GPHN: variants seen among roughly 807,000 people sequenced by gnomAD.
GPHN encodes the protein gephyrin.
A neutral mutation model predicts 95.5 loss-of-function variants in GPHN; 17 were observed. The observed-to-expected ratio is 0.18, with a 90% CI of 0.12 to 0.27. The LOEUF (loss-of-function observed/expected upper bound fraction) is 0.27. Ranked by LOEUF, GPHN falls within the 10% of genes least tolerant of loss-of-function variation. GPHN has a pLI of 1.00. For missense variants in GPHN, 660 were observed against 978.1 expected (o/e 0.67, Z 4.34); for synonymous variants, 320 against 322.5 (o/e 0.99, Z 0.08).
chr14:67,471,361 A>G, the GPHN span: 29,555 of 152,206 alleles, frequency 0.19, 2,951 homozygotes, highest in South Asian at 0.24. Context: ...AGGGGCCCAC[A>G]TGGAAGGCCT....
chr14:67,325,979 C>CTTTTTTTTTTTTTTTTT, the GPHN span, among the ~76,000 whole-genome samples: 4 of 110,218 alleles, frequency 3.6e-5, no homozygotes, highest in African/African-American at 1.6e-4. Context: ...CGGCTCTTTT[C>CTTTTTTTTTTTTTTTTT]TTTTTTTTTT....
At chr14:67,295,612 T>C in the GPHN span, among the ~76,000 whole-genome samples, 2 of 151,940 alleles carry the variant, frequency 1.3e-5, no homozygotes, top group Non-Finnish European at 2.9e-5. Context: ...AAAAGATAAC[T>C]AGGCATCATT....
chr14:66,991,501 C>T (rs2071416574), intron 9 of GPHN, among the ~76,000 whole-genome samples: 2 of 152,022 alleles, frequency 1.3e-5, no homozygotes, highest in Middle Eastern at 3.4e-3. Flanking sequence ...TGGCTCATGC[C>T]TGTAACCCAG....
chr14:67,527,054 C>T, the GPHN span, among the ~76,000 whole-genome samples: 5 of 152,212 alleles, frequency 3.3e-5, no homozygotes, highest in South Asian at 2.1e-4. Context: ...ATGTGTTTCA[C>T]TTATTTCCTT....
At position 66,975,521 on chromosome 14, in the gene GPHN, A is replaced by C. The variant is rs143104980; in HGVS notation, c.963+10196A>C. On this transcript the variant is annotated intron_variant, in intron 9 of 22. Coordinates refer to ENST00000478722, the MANE Select transcript of GPHN (RefSeq NM_020806.5). ...GTCGTCTGAAAAGCTAACAAGCTTG[A>C]GTGTGTAAAAATATTATACTGCGAG... Among the ~76,000 whole-genome samples, 90 of 152,304 alleles carry C rather than the reference A, an allele frequency of 5.9e-4. 3 individuals are homozygous for C. Among genetic ancestry groups the C allele is most frequent in the African/African-American group, 2.1e-3 (87 of 41,566 alleles).
chr14:66,642,915 C>T (rs112810690), intron 1 of GPHN, among the ~76,000 whole-genome samples: 83 of 149,102 alleles, frequency 5.6e-4, no homozygotes, highest in African/African-American at 1.7e-3. Context: ...AGAATATCTT[C>T]GTGATCTTGG....
chr14:67,132,238 C>T (rs1029866295), intron 17 of GPHN, among the ~76,000 whole-genome samples: 16 of 152,150 alleles, frequency 1.1e-4, no homozygotes, highest in Non-Finnish European at 1.5e-4. Context: ...TGGGCAAAGC[C>T]GAGTGCCTTA....
At chr14:67,579,094 T>C in the GPHN span, 1 of 1,445,530 alleles carries the variant, frequency 6.9e-7, no homozygotes, top group East Asian at 2.3e-5. Flanking sequence ...GTGGCAGAGA[T>C]GAGCAGAGCC....
chr14:66,634,849 A>G (rs1275614397), intron 1 of GPHN, among the ~76,000 whole-genome samples: 1 of 152,192 alleles, frequency 6.6e-6, no homozygotes, highest in Non-Finnish European at 1.5e-5. Context: ...TTAGATTGGG[A>G]CAAGATCACT....
the GPHN span, among the ~76,000 whole-genome samples, chr14:67,480,225 C>T: frequency 3.3e-5 from 5 of 152,124 alleles, no homozygotes; most frequent in South Asian, 1.0e-3. Flanking sequence ...TCACTGTGCC[C>T]CTGCTCTCGG....
At chr14:66,672,330 G>A (rs1024404400) in intron 1 of GPHN, among the ~76,000 whole-genome samples, 2 of 152,120 alleles carry the variant, frequency 1.3e-5, no homozygotes, top group Non-Finnish European at 2.9e-5. Context: ...AGATGTGAAC[G>A]TGGTCCTTTT....
At chr14:67,044,520 G>A (rs1796449784) in intron 10 of GPHN, among the ~76,000 whole-genome samples, 1 of 152,000 alleles carries the variant, frequency 6.6e-6, no homozygotes, top group African/African-American at 2.4e-5. Flanking sequence ...ATGTTAGCTG[G>A]TGTTTTCTTC....
intron 8 of GPHN, among the ~76,000 whole-genome samples, chr14:66,935,015 G>A (rs1261060229): frequency 6.6e-5 from 10 of 152,154 alleles, no homozygotes; most frequent in Admixed American, 5.2e-4. Flanking sequence ...AGAGGATAGA[G>A]GGTTGGAAAA....
At chr14:67,548,401 A>G in the GPHN span, among the ~76,000 whole-genome samples, 32 of 152,348 alleles carry the variant, frequency 2.1e-4, no homozygotes, top group East Asian at 6.0e-3. Context: ...GAGGGTATTA[A>G]TAAAAGAAGA....
At chr14:67,193,043 G>T in the GPHN span, among the ~76,000 whole-genome samples, 1 of 140,800 alleles carries the variant, frequency 7.1e-6, no homozygotes, top group Non-Finnish European at 1.5e-5. Context: ...TCAATATCTA[G>T]ATATAGATAT....
At chr14:67,447,567 C>T in the GPHN span, 1 of 146,948 alleles carries the variant, frequency 6.8e-6, no homozygotes, top group South Asian at 2.1e-4. Flanking sequence ...ACTAGCTCAG[C>T]ACAGGAGGGA....
At chr14:67,352,998 T>C in the GPHN span, 1 of 1,614,134 alleles carries the variant, frequency 6.2e-7, no homozygotes, top group Non-Finnish European at 8.5e-7. Context: ...GGTTTCGACC[T>C]GTCTGTGCTC....
At chr14:67,199,651 T>C in the GPHN span, 1 of 1,578,536 alleles carries the variant, frequency 6.3e-7, no homozygotes, top group Non-Finnish European at 8.7e-7. Context: ...TTCTGGCAGC[T>C]CAGAACCCGC....
chr14:67,717,185 T>A, the GPHN span, among the ~76,000 whole-genome samples: 7 of 152,194 alleles, frequency 4.6e-5, no homozygotes, highest in South Asian at 1.4e-3. Flanking sequence ...AAGGCACAAG[T>A]CTTAAGTATA....
Sources: gnomAD v4.1 joint callset for allele counts (sites outside exome capture counted in the v4.1 genomes callset) on GRCh38, gnomAD v4.1.1 for gene constraint, MANE v1.5 for transcripts, NCBI Gene and HGNC (gene_info 2026-07-23, HGNC 2026-07-21) for gene names.